The following PAWR variants were observed in gnomAD, a reference collection of about 807,000 sequenced individuals.
The protein encoded by PAWR is pro-apoptotic WT1 regulator, also known as PRKC apoptosis WT1 regulator protein.
PAWR carries 23 observed loss-of-function variants against 32.0 expected under a neutral mutation model. That is an observed-to-expected ratio of 0.72 (90% CI 0.52 to 1.02). PAWR has a LOEUF of 1.02. Ranked by LOEUF, PAWR falls within the 50% of genes least tolerant of loss-of-function variation. The probability of loss-of-function intolerance (pLI) is 0.00; values close to 1 mark genes in which losing one functional copy is unlikely to be tolerated. For synonymous variants in PAWR, 226 were observed against 187.1 expected (o/e 1.21, Z -1.70); for missense variants, 457 against 437.7 (o/e 1.04, Z -0.39).
chr12:79,637,848 CAACT>C (rs1876036648), intron 2 of PAWR, among the ~76,000 whole-genome samples: 1 of 152,002 alleles, frequency 6.6e-6, no homozygotes, highest in Admixed American at 6.6e-5. Flanking sequence ...TAATCTTAAC[CAACT>C]ATTATCACTG....
chr12:79,679,536 A>G (rs1372646555), intron 2 of PAWR, among the ~76,000 whole-genome samples: 1 of 152,226 alleles, frequency 6.6e-6, no homozygotes, highest in East Asian at 1.9e-4. Flanking sequence ...CTGAAGGTAA[A>G]GCAAAATTAA....
Position 79,690,248 on chromosome 12 carries a change from C to A in PAWR, c.-4G>T. On this transcript the variant is annotated 5_prime_UTR_variant, in exon 2 of 7. Transcript: ENST00000328827. ...TCCGGTAGCCACCGGTCGCCATATTCCCAAAGGGGCCGGTCGGGCTCTCAC... is the reference window on the plus strand; with the variant it reads ...TCCGGTAGCCACCGGTCGCCATATTACCAAAGGGGCCGGTCGGGCTCTCAC... The A allele has an allele frequency of 6.7e-7, 1 of 1,500,538 alleles. No individual in the cohort carries two copies. Among genetic ancestry groups the A allele is most frequent in the Non-Finnish European group, 8.9e-7 (1 of 1,129,432 alleles). The allele number at this position is 1,500,538 out of a possible 1,614,324, so 93.0% of individuals were successfully genotyped here. A position where few individuals can be genotyped will look rare whatever the true frequency, so the allele number is the denominator to read the frequency against.
At chr12:79,604,267 C>T in intron 4 of PAWR, 2 of 988,262 alleles carry the variant, frequency 2.0e-6, no homozygotes, top group Non-Finnish European at 2.4e-6. Flanking sequence ...GCTACAAAGA[C>T]ATGAACTATA....
At chr12:79,644,769 T>C (rs1876490859) in intron 2 of PAWR, among the ~76,000 whole-genome samples, 2 of 152,146 alleles carry the variant, frequency 1.3e-5, no homozygotes, top group Non-Finnish European at 2.9e-5. Flanking sequence ...TTCCCTTAGA[T>C]TCTAAACAGG....
chr12:79,588,377 G>C lies in PAWR; in HGVS notation c.*4230C>G, dbSNP rs1592484232. On this transcript the variant is annotated 3_prime_UTR_variant, in exon 7 of 7. Transcript: ENST00000328827. The stretch of plus-strand genomic sequence containing the variant: ...ATATAACTGAATTCATTTCATCACT[G>C]CTATAAATTCCTTAAAAGTGTTCTT... The C allele has an allele frequency of 6.6e-6, 1 of 152,002 alleles. No homozygotes were observed. Among genetic ancestry groups the C allele is most frequent in the Non-Finnish European group, 1.5e-5 (1 of 67,834 alleles). The allele number at this position is 152,002 out of a possible 1,614,324, so 9.4% of individuals were successfully genotyped here. A position where few individuals can be genotyped will look rare whatever the true frequency, so the allele number is the denominator to read the frequency against.
chr12:79,679,460 T>G (rs1246724342), intron 2 of PAWR, among the ~76,000 whole-genome samples: 1 of 152,068 alleles, frequency 6.6e-6, no homozygotes, highest in Non-Finnish European at 1.5e-5. Flanking sequence ...TAGTAAGAAA[T>G]GAACAGTCAG....
chr12:79,621,072 T>A lies in PAWR; in HGVS notation c.648+4A>T. On this transcript the variant is annotated splice_donor_region_variant and intron_variant, in intron 3 of 6. Coordinates refer to ENST00000328827, the MANE Select transcript of PAWR (RefSeq NM_002583.4). ...GTGACTTCCTGGTATTTTTAAATAC[T>A]CACCTGTAGCAGATAGGAACTGCCT... The A allele has an allele frequency of 2.5e-6, 4 of 1,583,446 alleles. No homozygotes were observed. The highest frequency in any genetic ancestry group is 3.4e-6 in the Non-Finnish European group (4 of 1,169,402).
At chr12:79,689,002 T>TC (rs1878827649) in intron 2 of PAWR, among the ~76,000 whole-genome samples, 1 of 152,194 alleles carries the variant, frequency 6.6e-6, no homozygotes, top group Non-Finnish European at 1.5e-5. Context: ...TCGAAAATGC[T>TC]CCAAACTGCA....
chr12:79,608,730 G>A (rs1301048231), intron 4 of PAWR, among the ~76,000 whole-genome samples: 1 of 152,140 alleles, frequency 6.6e-6, no homozygotes, highest in African/African-American at 2.4e-5. Flanking sequence ...AAATCACTGT[G>A]TTATGCAAAA....
chr12:79,655,769 C>T (rs1183455528), intron 2 of PAWR, among the ~76,000 whole-genome samples: 1 of 152,152 alleles, frequency 6.6e-6, no homozygotes, highest in African/African-American at 2.4e-5. Context: ...TCTCTATAGT[C>T]AAGTATGATT....
At chr12:79,663,403 G>A (rs1877440989) in intron 2 of PAWR, among the ~76,000 whole-genome samples, 1 of 152,116 alleles carries the variant, frequency 6.6e-6, no homozygotes, top group South Asian at 2.1e-4. Context: ...GAATTACCTG[G>A]GAAGATTTTT....
At position 79,606,397 on chromosome 12, in the gene PAWR, T is replaced by C. The variant is rs149708586; in HGVS notation, c.683+7178A>G. ...ACAGTAAGATCAGTTTAGTGGTTAA[T>C]TTCCAAATAAATGCACAAAATGCAC... is the stretch of plus-strand genomic sequence containing the variant. On this transcript the variant is annotated intron_variant, in intron 4 of 6. Coordinates refer to ENST00000328827, the MANE Select transcript of PAWR (RefSeq NM_002583.4). 4.1e-3 allele frequency among the ~76,000 whole-genome samples: 623 copies of C among 152,308 alleles called. 12 individuals are homozygous for C. Among genetic ancestry groups the C allele is most frequent in the African/African-American group, 0.014 (591 of 41,566 alleles).
At chr12:79,619,451 A>G (rs1874896725) in intron 3 of PAWR, among the ~76,000 whole-genome samples, 1 of 152,246 alleles carries the variant, frequency 6.6e-6, no homozygotes, top group Admixed American at 6.5e-5. Context: ...GAAAAATCAT[A>G]TCCTGAAGTT....
At chr12:79,630,824 T>A (rs1875584049) in intron 2 of PAWR, among the ~76,000 whole-genome samples, 1 of 150,284 alleles carries the variant, frequency 6.7e-6, no homozygotes, top group South Asian at 2.1e-4. Context: ...CTTCTCAACT[T>A]ATTTTGAGGC....
chr12:79,601,086 G>A (rs961235238), intron 4 of PAWR, among the ~76,000 whole-genome samples: 4 of 151,994 alleles, frequency 2.6e-5, no homozygotes, highest in Non-Finnish European at 5.9e-5. Context: ...GGACAAGAAT[G>A]TGCAAAAACC....
At chr12:79,593,972 G>A (rs968252388) in intron 6 of PAWR, among the ~76,000 whole-genome samples, 1 of 151,990 alleles carries the variant, frequency 6.6e-6, no homozygotes, top group African/African-American at 2.4e-5. Flanking sequence ...CCAAAGTGCT[G>A]AGATTACAGG....
At position 79,594,392 on chromosome 12, in the gene PAWR, T is replaced by C. The variant is rs1434429575; in HGVS notation, c.873A>G (p.Arg291=). Residue 291 remains arginine, a synonymous_variant, in exon 6 of 7, where the codon AGA becomes AGG. Coordinates refer to ENST00000328827, the MANE Select transcript of PAWR (RefSeq NM_002583.4). ...TCATTTCCTCTTTATCTTGCATCAG[T>C]CTCACAAGTCTTAGGTTTTCTTGTC... ...RERQENLRLV[R]LMQDKEEMIG... 10 of 1,568,660 alleles carry C rather than the reference T, an allele frequency of 6.4e-6. No homozygotes were observed. The African/African-American group carries it at 1.4e-4, about 21-fold the overall frequency.
intron 2 of PAWR, among the ~76,000 whole-genome samples, chr12:79,663,275 T>C (rs1323564008): frequency 1.3e-5 from 2 of 152,224 alleles, no homozygotes; most frequent in Non-Finnish European, 2.9e-5. Context: ...CTATCTTGTC[T>C]ATGGTTTTAA....
intron 2 of PAWR, among the ~76,000 whole-genome samples, chr12:79,636,815 T>A (rs1875982188): frequency 6.6e-6 from 1 of 152,144 alleles, no homozygotes; most frequent in East Asian, 1.9e-4. Context: ...CTTAAAAAAA[T>A]TTTATCTCAT....
Sources: allele counts gnomAD v4.1 joint callset (sites outside exome capture counted in the v4.1 genomes callset), GRCh38; gene constraint gnomAD v4.1.1; transcripts MANE v1.5; gene names NCBI Gene and HGNC (gene_info 2026-07-23, HGNC 2026-07-21).